The following KLHL13 variants were observed in gnomAD, a reference collection of about 807,000 sequenced individuals.
KLHL13 encodes kelch-like protein 13.
Under a neutral mutation model 37.1 loss-of-function variants are expected in KLHL13, and 10 were observed. The observed-to-expected ratio is 0.27, with a 90% CI of 0.17 to 0.46. KLHL13 has a LOEUF of 0.46. Ranked by LOEUF, KLHL13 falls within the 20% of genes least tolerant of loss-of-function variation. KLHL13 has a pLI of 1.00. For synonymous variants in KLHL13, 163 were observed against 181.2 expected, an observed-to-expected ratio of 0.90 and a Z score of 0.81; for missense variants, 360 against 509.3, an observed-to-expected ratio of 0.71 and a Z score of 2.82.
At chrX:118,076,276 A>T (rs1356851772) in intron 1 of KLHL13, among the ~76,000 whole-genome samples, 1 of 111,227 alleles carries the variant, frequency 9.0e-6, no homozygotes, top group Non-Finnish European at 1.9e-5. Flanking sequence ...CTTCTGAGAG[A>T]TTTTTTTTAA....
intron 1 of KLHL13, among the ~76,000 whole-genome samples, chrX:118,081,486 T>C (rs2054994060): frequency 9.0e-6 from 1 of 111,416 alleles, no homozygotes; most frequent in African/African-American, 3.3e-5. Context: ...TAATTGGACA[T>C]ATTTTTGGGG....
chrX:118,064,403 A>G (rs2054774483), intron 1 of KLHL13, among the ~76,000 whole-genome samples: 1 of 111,503 alleles, frequency 9.0e-6, no homozygotes, highest in African/African-American at 3.2e-5. Context: ...CCAATTTAGC[A>G]TGCATTAAGG....
chrX:117,985,172 A>G lies in KLHL13; in HGVS notation c.-55-39597T>C. The G allele has an allele frequency of 8.7e-6, 7 of 802,239 alleles. No homozygotes were observed. The South Asian group carries it at 2.1e-4, about 24-fold the overall frequency. 66.1% of individuals were successfully genotyped at this position (802,239 alleles called of 1,213,427 possible). A position where few individuals can be genotyped will look rare whatever the true frequency, so the allele number is the denominator to read the frequency against. Reference sequence around the variant, plus strand: ...TATATCGCTTCACAGCCACATATGGAAATAACAGGCTTGCTATTTTAATGA... The same window carrying G: ...TATATCGCTTCACAGCCACATATGGGAATAACAGGCTTGCTATTTTAATGA... On this transcript the variant is annotated intron_variant, in intron 1 of 6. Coordinates refer to the KLHL13 transcript ENST00000371882.
intron 1 of KLHL13, among the ~76,000 whole-genome samples, chrX:118,052,056 G>A (rs2054619522): frequency 9.0e-6 from 1 of 111,260 alleles, no homozygotes; most frequent in Non-Finnish European, 1.9e-5. Flanking sequence ...AATACATATG[G>A]TTATTAACTA....
intron 1 of KLHL13, among the ~76,000 whole-genome samples, chrX:117,997,657 C>G (rs981597454): frequency 9.0e-6 from 1 of 111,487 alleles, no homozygotes; most frequent in African/African-American, 3.3e-5. Context: ...CAGGTAAGGT[C>G]CTTCAAGGTC....
chrX:117,963,206 TG>T (rs1369784922), intron 1 of KLHL13, among the ~76,000 whole-genome samples: 1 of 111,407 alleles, frequency 9.0e-6, no homozygotes, highest in African/African-American at 3.3e-5. Flanking sequence ...GACATAAATG[TG>T]GGGGGGAAAT....
At chrX:117,983,253 A>G (rs1457566935) in intron 1 of KLHL13, among the ~76,000 whole-genome samples, 1 of 111,102 alleles carries the variant, frequency 9.0e-6, no homozygotes, top group Non-Finnish European at 1.9e-5. Context: ...AACCAAAGTA[A>G]TTTATGTTTG....
At chrX:117,998,003 C>A (rs1183302219) in intron 1 of KLHL13, among the ~76,000 whole-genome samples, 2 of 111,102 alleles carry the variant, frequency 1.8e-5, no homozygotes, top group Non-Finnish European at 3.8e-5. Flanking sequence ...TCTTTTATAT[C>A]GCTGCCTCAC....
chrX:117,972,390 AAAG>A (rs1225079155), intron 1 of KLHL13, among the ~76,000 whole-genome samples: 1 of 112,678 alleles, frequency 8.9e-6, no homozygotes, highest in African/African-American at 3.2e-5. Flanking sequence ...CCATTACACA[AAAG>A]AAGTCATCCT....
intron 1 of KLHL13, among the ~76,000 whole-genome samples, chrX:118,061,305 C>T (rs142084941): frequency 4.4e-4 from 49 of 111,226 alleles, no homozygotes; most frequent in African/African-American, 1.5e-3. Context: ...AGAGAAACCA[C>T]GAGCATTTGG....
chrX:117,967,245 T>A (rs867512281), intron 1 of KLHL13, among the ~76,000 whole-genome samples: 13 of 111,615 alleles, frequency 1.2e-4, no homozygotes, highest in Middle Eastern at 4.6e-3. Context: ...TCCCCAAGAA[T>A]CTCATGTTTA....
intron 1 of KLHL13, among the ~76,000 whole-genome samples, chrX:118,096,349 G>A (rs1223283741): frequency 3.6e-5 from 4 of 111,467 alleles, no homozygotes; most frequent in South Asian, 3.8e-4. Flanking sequence ...TAAATTCCTC[G>A]ACACATACAC....
chrX:118,039,677 A>C (rs2054487556), intron 1 of KLHL13, among the ~76,000 whole-genome samples: 1 of 111,733 alleles, frequency 8.9e-6, no homozygotes, highest in African/African-American at 3.3e-5. Context: ...TGCTGAAGGG[A>C]AGGACACAAG....
chrX:118,111,239 A>G (rs1442348535), intron 1 of KLHL13, among the ~76,000 whole-genome samples: 2 of 112,540 alleles, frequency 1.8e-5, no homozygotes, highest in Non-Finnish European at 3.8e-5. Context: ...TTTATATACC[A>G]TATGTTATGT....
intron 1 of KLHL13, among the ~76,000 whole-genome samples, chrX:118,055,473 C>T (rs1013718587): frequency 3.6e-5 from 4 of 112,184 alleles, no homozygotes; most frequent in African/African-American, 1.3e-4. Context: ...AATATAAAGA[C>T]ACTTGCAAAA....
rs1030523497 is a variant in KLHL13, at chrX:117,980,343, TAA to T, written c.-55-34770_-55-34769del. On this transcript the variant is annotated intron_variant, in intron 1 of 6. Transcript: ENST00000371882. Reference sequence around the variant, plus strand: ...TATTTCAGAAATACCTATACTTTTCTAAAAGTCTGAATTTCTGAAAGATCTTT... The same window carrying T: ...TATTTCAGAAATACCTATACTTTTCTAAGTCTGAATTTCTGAAAGATCTTT... Among the ~76,000 whole-genome samples the T allele has an allele frequency of 5.3e-4, 59 of 112,188 alleles. 1 individual carries two copies. Among genetic ancestry groups the T allele is most frequent in the African/African-American group, 1.8e-3 (57 of 31,020 alleles).
rs1930130521 is a variant in KLHL13, at chrX:117,902,046, A to C, written c.1367-100T>G. On this transcript the variant is annotated intron_variant, in intron 5 of 6. Transcript: ENST00000262820. ...AACAGTAATAATATCCAAACACTTG[A>C]AACATATCTATTATAGCTATGATAG... The C allele has an allele frequency of 6.6e-6, 3 of 457,631 alleles. No individual in the cohort carries two copies. In the African/African-American group the frequency reaches 7.2e-5, roughly 11 times the overall value. 37.7% of individuals were successfully genotyped at this position (457,631 alleles called of 1,213,427 possible).
intron 1 of KLHL13, among the ~76,000 whole-genome samples, chrX:118,007,701 A>G (rs2054002539): frequency 1.8e-5 from 2 of 111,247 alleles, no homozygotes; most frequent in African/African-American, 6.5e-5. Flanking sequence ...CTTCAGGATC[A>G]TGCATTTCAT....
chrX:117,968,422 T>G lies in KLHL13; in HGVS notation c.98+4309A>C, dbSNP rs184454830. Among the ~76,000 whole-genome samples, 407 of 111,792 alleles carry G rather than the reference T, an allele frequency of 3.6e-3. 3 individuals are homozygous for G. The highest frequency in any genetic ancestry group is 0.011 in the African/African-American group (341 of 30,865). On this transcript the variant is annotated intron_variant, in intron 1 of 6. Transcript: ENST00000262820. Reference sequence around the variant, plus strand: ...ACTTTTAAGGTCACTTCTATCTCTATGATTTTCCATTAATAAATGACAACC... The same window carrying G: ...ACTTTTAAGGTCACTTCTATCTCTAGGATTTTCCATTAATAAATGACAACC...
Sources: gnomAD v4.1 joint callset for allele counts (sites outside exome capture counted in the v4.1 genomes callset) on GRCh38, gnomAD v4.1.1 for gene constraint, MANE v1.5 for transcripts, NCBI Gene and HGNC (gene_info 2026-07-23, HGNC 2026-07-21) for gene names.